The following EMC3 variants were observed in gnomAD, a reference collection of about 807,000 sequenced individuals.
EMC3 encodes the protein ER membrane protein complex subunit 3.
In EMC3, 13 loss-of-function variants were observed where a neutral mutation model predicts 36.6. The ratio of observed to expected loss-of-function variants is 0.35; its 90% CI spans 0.23 to 0.56. EMC3 has a LOEUF of 0.56. Among genes scored for constraint, EMC3 ranks in the 20% least tolerant of loss-of-function variants. EMC3 has a pLI of 0.84. For missense variants in EMC3, 220 were observed against 324.5 expected (o/e 0.68, Z 2.47); for synonymous variants, 120 against 111.9 (o/e 1.07, Z -0.46).
Position 9,976,977 on chromosome 3 carries a change from A to G in EMC3, c.287T>C (p.Val96Ala), listed in dbSNP as rs747603627. 1.9e-6 allele frequency: 3 copies of G among 1,612,478 alleles called. No homozygotes were observed. The highest frequency in any genetic ancestry group is 1.7e-6 in the Non-Finnish European group (2 of 1,179,324). The change falls in exon 3 of 8, where the codon GTG (valine) becomes GCG (alanine). Residue 96 changes from valine to alanine, a missense_variant. Physicochemically the swap from Val to Ala is moderately conservative, Grantham distance 64. Coordinates refer to ENST00000245046, the MANE Select transcript of EMC3 (RefSeq NM_001394674.1). Reference protein sequence around the residue: ...GFFKKTKRKVVPPSPMTDPTM... With the variant: ...GFFKKTKRKVAPPSPMTDPTM... The stretch of plus-strand genomic sequence containing the variant: ...CATACCAGTCATAGGAGAAGGTGGC[A>G]CTACCTTCCGTTTAGTTTTTTTGAA...
chr3:9,988,261 A>T, upstream of EMC3: 1 of 631,238 alleles, frequency 1.6e-6, no homozygotes. Context: ...CATCTTATAC[A>T]TGAGGTTGTC....
chr3:10,000,105 T>G (rs1481705980), intron 1 of EMC3, among the ~76,000 whole-genome samples: 1 of 152,180 alleles, frequency 6.6e-6, no homozygotes, highest in Non-Finnish European at 1.5e-5. Flanking sequence ...TGGCGCGATC[T>G]TGGTTCACTG....
At chr3:9,969,504 G>A in intron 7 of EMC3, 2 of 1,435,936 alleles carry the variant, frequency 1.4e-6, no homozygotes, top group Non-Finnish European at 1.8e-6. Context: ...AAATTCCAGT[G>A]AGCATTTAAA....
chr3:9,973,512 A>T, intron 5 of EMC3, 116 bp downstream of exon 5: 1 of 925,434 alleles, frequency 1.1e-6, no homozygotes, highest in Non-Finnish European at 1.7e-6. Flanking sequence ...TTTTCTTGAG[A>T]CAGGGTCTTA....
At chr3:9,970,991 T>C (rs13076489) in intron 5 of EMC3, among the ~76,000 whole-genome samples, 34,093 of 151,694 alleles carry the variant, frequency 0.22, 4,453 homozygotes, top group African/African-American at 0.36. Context: ...GGCGCAATCT[T>C]GGCTCACTGC....
chr3:9,986,923 T>A, upstream of EMC3: 1 of 1,259,622 alleles, frequency 7.9e-7, no homozygotes, highest in African/African-American at 1.5e-5. Context: ...AGTGGAAAAC[T>A]ATCGGCGGTG....
rs191444043 is a variant in EMC3 at position 9,967,452 on chromosome 3, T to A, written c.657+2267A>T. Among the ~76,000 whole-genome samples, 73 of 91,582 alleles carry A rather than the reference T, an allele frequency of 8.0e-4. No homozygotes were observed. The East Asian group carries it at 0.017, about 21-fold the overall frequency. The allele number at this position is 91,582 out of a possible 152,430, so 60.1% of individuals were successfully genotyped here. On this transcript the variant is annotated intron_variant, in intron 7 of 7. Coordinates refer to ENST00000245046, the MANE Select transcript of EMC3 (RefSeq NM_001394674.1). ...GTAGATATCCTTTTCCCAGCACCATTCGTTGAATGGAGACTATTCTTTCCC... is the reference window on the plus strand; with the variant it reads ...GTAGATATCCTTTTCCCAGCACCATACGTTGAATGGAGACTATTCTTTCCC...
intron 1 of EMC3, among the ~76,000 whole-genome samples, chr3:9,980,554 G>GTTTTTTT (rs71052282): frequency 7.6e-6 from 1 of 130,916 alleles, no homozygotes; most frequent in African/African-American, 2.9e-5. Flanking sequence ...TGTTTTTTTT[G>GTTTTTTT]TTTTTTTTTT....
At chr3:9,996,202 G>A (rs1235979868) in intron 1 of EMC3, among the ~76,000 whole-genome samples, 7 of 152,186 alleles carry the variant, frequency 4.6e-5, no homozygotes, top group Admixed American at 2.0e-4. Flanking sequence ...CCAGCACTTT[G>A]GGAGGCCAAG....
At chr3:9,984,129 T>C (rs536291147) in intron 1 of EMC3, among the ~76,000 whole-genome samples, 1 of 152,144 alleles carries the variant, frequency 6.6e-6, no homozygotes, top group Non-Finnish European at 1.5e-5. Flanking sequence ...GTCGCCAGGC[T>C]GGAGTGCAGT....
intron 3 of EMC3, among the ~76,000 whole-genome samples, chr3:9,975,597 G>C (rs1393906807): frequency 6.6e-6 from 1 of 151,924 alleles, no homozygotes; most frequent in Admixed American, 6.6e-5. Context: ...CGGATCACGA[G>C]GTCAGGAGAT....
chr3:9,972,287 T>C (rs1413431371), intron 5 of EMC3, among the ~76,000 whole-genome samples: 2 of 152,004 alleles, frequency 1.3e-5, no homozygotes, highest in East Asian at 3.9e-4. Flanking sequence ...CTAAAAATGA[T>C]TGCCTGGCCA....
At chr3:9,992,921 G>A in intron 1 of EMC3, 1 of 1,611,032 alleles carries the variant, frequency 6.2e-7, no homozygotes, top group Non-Finnish European at 8.5e-7. Flanking sequence ...CTCAGACAAA[G>A]AAGTACATTG....
chr3:9,978,687 G>T (rs765172160), intron 1 of EMC3, among the ~76,000 whole-genome samples: 8 of 151,302 alleles, frequency 5.3e-5, no homozygotes, highest in Non-Finnish European at 1.2e-4. Context: ...AAAATTAGCC[G>T]GGTGTGGTGG....
intron 1 of EMC3, among the ~76,000 whole-genome samples, chr3:9,993,244 G>T (rs1269534470): frequency 6.6e-6 from 1 of 152,208 alleles, no homozygotes; most frequent in Non-Finnish European, 1.5e-5. Context: ...GGACCAGGCT[G>T]TAGAAACTAG....
At chr3:10,005,983 C>G (rs572580796) in intron 1 of EMC3, among the ~76,000 whole-genome samples, 11 of 152,290 alleles carry the variant, frequency 7.2e-5, no homozygotes, top group African/African-American at 2.6e-4. Context: ...TTCAGCCTCC[C>G]GAAGAAAGCC....
chr3:9,968,244 G>T (rs1368505186), intron 7 of EMC3, among the ~76,000 whole-genome samples: 1 of 152,288 alleles, frequency 6.6e-6, no homozygotes, highest in African/African-American at 2.4e-5. Flanking sequence ...TGTTAGATTT[G>T]TTCCTAAATA....
intron 5 of EMC3, 62 bp from the exon 6 acceptor site, chr3:9,970,723 A>T: frequency 6.5e-7 from 1 of 1,537,692 alleles, no homozygotes; most frequent in African/African-American, 1.4e-5. Flanking sequence ...TGCAGTTCCC[A>T]CTTCCCTACC....
At chr3:9,989,408 T>C (rs188109820), upstream of EMC3, among the ~76,000 whole-genome samples, 2 of 152,204 alleles carry the variant, frequency 1.3e-5, no homozygotes, top group African/African-American at 4.8e-5. Flanking sequence ...AAAAAAAAAT[T>C]AGCCTGGCCT....
Sources: allele counts gnomAD v4.1 joint callset (sites outside exome capture counted in the v4.1 genomes callset), GRCh38; gene constraint gnomAD v4.1.1; transcripts MANE v1.5; gene names NCBI Gene and HGNC (gene_info 2026-07-23, HGNC 2026-07-21).